The following CAPN14 variants were observed in gnomAD, a reference collection of about 807,000 sequenced individuals.
CAPN14 encodes the protein calpain 14.
Under a neutral mutation model 101.3 loss-of-function variants are expected in CAPN14, and 94 were observed. That is an observed-to-expected ratio of 0.93 (90% CI 0.79 to 1.10). The LOEUF (loss-of-function observed/expected upper bound fraction) is 1.10. CAPN14 is among the 50% of genes least tolerant of loss of function. CAPN14 has a pLI of 0.00. For synonymous variants in CAPN14, 338 were observed against 317.9 expected, an observed-to-expected ratio of 1.06 and a Z score of -0.67; for missense variants, 837 against 828.4, an observed-to-expected ratio of 1.01 and a Z score of -0.13.
In CAPN14 at chr2:31,208,422, T is replaced by G. The variant is rs550903664; in HGVS notation, c.-52-2923A>C. On this transcript the variant is annotated intron_variant, in intron 1 of 21. Transcript: ENST00000403897. ...AACCTCCCTCAGGCTCATGCCCTCC[T>G]TACCAAGTGCTGGGTCATACCTGGA... is the stretch of plus-strand genomic sequence containing the variant. 5.3e-5 allele frequency among the ~76,000 whole-genome samples: 8 copies of G among 152,314 alleles called. No homozygotes were observed. In the South Asian group the frequency reaches 1.5e-3, roughly 28 times the overall value.
intron 1 of CAPN14, among the ~76,000 whole-genome samples, chr2:31,227,617 G>A (rs978073141): frequency 6.6e-6 from 1 of 152,204 alleles, no homozygotes; most frequent in South Asian, 2.1e-4. Context: ...ACATTGTGAA[G>A]CGTCATTGGC....
intron 8 of CAPN14, among the ~76,000 whole-genome samples, chr2:31,196,382 T>C (rs1425606416): frequency 6.6e-6 from 1 of 152,236 alleles, no homozygotes; most frequent in Non-Finnish European, 1.5e-5. Context: ...TGTTAAAATT[T>C]ATGTATTTCT....
rs929580009 is a variant in CAPN14, at chr2:31,177,863, C to A, written c.1780-42G>T. ...AAGAGGTTCAGGAAGCCAGGCATTT[C>A]CAAGCACCATCTGAGAGCCCTGTGT... On this transcript the variant is annotated intron_variant, in intron 18 of 21. Transcript: ENST00000403897. 2.8e-6 allele frequency: 4 copies of A among 1,453,714 alleles called. No homozygotes were observed. In the South Asian group the frequency reaches 4.9e-5, roughly 18 times the overall value. 90.1% of individuals were successfully genotyped at this position (1,453,714 alleles called of 1,614,324 possible).
intron 20 of CAPN14, 84 bp downstream of exon 20, chr2:31,176,942 C>T: frequency 2.0e-6 from 2 of 1,024,726 alleles, no homozygotes; most frequent in Non-Finnish European, 2.9e-6. Context: ...CGGCTGTCCT[C>T]CCTTGTGCTT....
intron 8 of CAPN14, among the ~76,000 whole-genome samples, chr2:31,195,967 T>C (rs2148685166): frequency 6.6e-6 from 1 of 152,078 alleles, no homozygotes; most frequent in South Asian, 2.1e-4. Context: ...GAAACCACCG[T>C]AGAAATGAGA....
In CAPN14 at chr2:31,211,060, T is replaced by A. The variant is rs573539241; in HGVS notation, c.-52-5561A>T. On this transcript the variant is annotated intron_variant, in intron 1 of 21. Transcript: ENST00000403897. ...CAAGAAAAGATATTTACTAAAAAAA[T>A]CTAGAGGAACACCATACTTTCTGAG... Among the ~76,000 whole-genome samples the A allele has an allele frequency of 1.2e-4, 19 of 152,222 alleles. No homozygotes were observed. In the South Asian group the frequency reaches 3.9e-3, roughly 32 times the overall value.
chr2:31,173,057 T>A lies in CAPN14; in HGVS notation c.*1624A>T, dbSNP rs1025502255. 1 of 152,150 alleles carries A rather than the reference T, an allele frequency of 6.6e-6. No homozygotes were observed. The highest frequency in any genetic ancestry group is 2.1e-4 in the South Asian group (1 of 4,824). The allele number at this position is 152,150 out of a possible 1,614,324, so 9.4% of individuals were successfully genotyped here. ...CCCAAAAATATCTCCAAAACTGCCT[T>A]CAGGGGCCAAGGCAAAATTGGTTTA... On this transcript the variant is annotated 3_prime_UTR_variant, in exon 22 of 22. Coordinates refer to ENST00000403897, the MANE Select transcript of CAPN14 (RefSeq NM_001145122.2).
At chr2:31,186,551 G>C in intron 15 of CAPN14, 66 bp from the exon 16 acceptor site, 1 of 1,186,060 alleles carries the variant, frequency 8.4e-7, no homozygotes, top group Non-Finnish European at 1.2e-6. Flanking sequence ...TGGCAGAGGG[G>C]TCATATGACT....
In CAPN14 at chr2:31,193,310, G is replaced by A; in HGVS notation, c.951-16C>T. Reference sequence around the variant, plus strand: ...CAGCGTCATCCTGTGGAGAGAAGAAGGAAAAGCACAAAGAGATGGACCAGA... The same window carrying A: ...CAGCGTCATCCTGTGGAGAGAAGAAAGAAAAGCACAAAGAGATGGACCAGA... On this transcript the variant is annotated splice_polypyrimidine_tract_variant and intron_variant, in intron 9 of 21. Transcript: ENST00000403897. The A allele has an allele frequency of 6.4e-7, 1 of 1,550,758 alleles. No homozygotes were observed. Among genetic ancestry groups the A allele is most frequent in the South Asian group, 1.2e-5 (1 of 84,036 alleles).
chr2:31,213,473 T>C (rs766533074), intron 1 of CAPN14, among the ~76,000 whole-genome samples: 2 of 152,200 alleles, frequency 1.3e-5, no homozygotes, highest in Non-Finnish European at 2.9e-5. Flanking sequence ...GCCTAAAATA[T>C]TTACTATGCT....
intron 9 of CAPN14, 115 bp downstream of exon 9, chr2:31,194,294 C>T: frequency 1.4e-6 from 1 of 731,766 alleles, no homozygotes; most frequent in South Asian, 1.6e-5. Context: ...GGGATGGTGC[C>T]TTATTGATCT....
At chr2:31,213,427 G>A (rs1682494329) in intron 1 of CAPN14, among the ~76,000 whole-genome samples, 2 of 152,378 alleles carry the variant, frequency 1.3e-5, no homozygotes, top group South Asian at 4.1e-4. Flanking sequence ...CAACAGCGGA[G>A]TTGAGTCATT....
In CAPN14 at chr2:31,174,228, T is replaced by A. The variant is rs1680188094; in HGVS notation, c.*453A>T. ...TATGTCTCTATCAATTTGCAGATGCTGGGACTAAATGTCTAAGGATATATC... is the reference window on the plus strand; with the variant it reads ...TATGTCTCTATCAATTTGCAGATGCAGGGACTAAATGTCTAAGGATATATC... On this transcript the variant is annotated 3_prime_UTR_variant, in exon 22 of 22. Coordinates refer to ENST00000403897, the MANE Select transcript of CAPN14 (RefSeq NM_001145122.2). The A allele has an allele frequency of 5.4e-6, 1 of 184,246 alleles. No individual in the cohort carries two copies. Among genetic ancestry groups the A allele is most frequent in the Non-Finnish European group, 1.1e-5 (1 of 89,432 alleles). The allele number at this position is 184,246 out of a possible 1,614,324, so 11.4% of individuals were successfully genotyped here.
In CAPN14 at chr2:31,193,289, G is replaced by A. The variant is rs190684376; in HGVS notation, c.956C>T (p.Thr319Met). 65 of 1,551,608 alleles carry A rather than the reference G, an allele frequency of 4.2e-5. No homozygotes were observed. Among genetic ancestry groups the A allele is most frequent in the South Asian group, 2.7e-4 (23 of 84,056 alleles). Residue 319 changes from threonine to methionine, a missense_variant, in exon 10 of 22, where the codon ACG (threonine) becomes ATG (methionine). Thr to Met is a moderately conservative substitution (Grantham distance 81). Transcript: ENST00000403897. ...GAAATGTGTTTTAAAGTCCTGCAGCGTCATCCTGTGGAGAGAAGAAGGAAA... is the reference window on the plus strand; with the variant it reads ...GAAATGTGTTTTAAAGTCCTGCAGCATCATCCTGTGGAGAGAAGAAGGAAA... ...RKDNDGEFWM[T>M]LQDFKTHFVL...
At chr2:31,232,299 CT>C (rs997913131) in intron 1 of CAPN14, among the ~76,000 whole-genome samples, 81 of 151,990 alleles carry the variant, frequency 5.3e-4, no homozygotes, top group African/African-American at 1.9e-3. Context: ...CTTATGTCCT[CT>C]TTTTTTTATC....
intron 19 of CAPN14, 50 bp from the exon 20 acceptor site, chr2:31,177,192 C>T: frequency 3.9e-6 from 5 of 1,279,860 alleles, no homozygotes; most frequent in African/African-American, 1.5e-5. Flanking sequence ...TTGCACCCAG[C>T]TCCCCTCCTG....
At chr2:31,212,432 T>C (rs1682450483) in intron 1 of CAPN14, among the ~76,000 whole-genome samples, 1 of 152,194 alleles carries the variant, frequency 6.6e-6, no homozygotes, top group South Asian at 2.1e-4. Flanking sequence ...AGGGGATCTG[T>C]CTGATTCCTG....
At position 31,189,358 on chromosome 2, in the gene CAPN14, T is replaced by A; in HGVS notation, c.1408A>T (p.Thr470Ser). ...AATATGCAGGGCACGATGAGGTACGTCCCTGGTTCCAGACACAGCTCCTGA... is the reference window on the plus strand; with the variant it reads ...AATATGCAGGGCACGATGAGGTACGACCCTGGTTCCAGACACAGCTCCTGA... Reference protein sequence around the residue: ...VSQELCLEPGTYLIVPCILEA... With the variant: ...VSQELCLEPGSYLIVPCILEA... Residue 470 changes from threonine (T) to serine (S), a missense_variant, in exon 13 of 22, where the codon ACG (threonine) becomes TCG (serine). Thr to Ser is a moderately conservative substitution (Grantham distance 58, BLOSUM62 1). Transcript: ENST00000403897. The A allele has an allele frequency of 6.4e-7, 1 of 1,551,750 alleles. No individual in the cohort carries two copies. The highest frequency in any genetic ancestry group is 8.7e-7 in the Non-Finnish European group (1 of 1,147,010).
rs115223507 is a variant in CAPN14, at chr2:31,199,959, T to C, written c.727-427A>G. On this transcript the variant is annotated intron_variant, in intron 6 of 21. Transcript: ENST00000403897. ...TCTCTGCACATCATCTTCTTTTTCC[T>C]ACTGCCTTGCCTGTCCTGAGGCCCC... Among the ~76,000 whole-genome samples, 438 of 152,344 alleles carry C rather than the reference T, an allele frequency of 2.9e-3. 5 individuals carry two copies. Among genetic ancestry groups the C allele is most frequent in the Non-Finnish European group, 4.1e-3 (280 of 68,034 alleles).
Sources: allele counts gnomAD v4.1 joint callset (sites outside exome capture counted in the v4.1 genomes callset), GRCh38; gene constraint gnomAD v4.1.1; transcripts MANE v1.5; gene names NCBI Gene and HGNC (gene_info 2026-07-23, HGNC 2026-07-21).